Variants in TACC2 observed in about 807,000 individuals in gnomAD.
The protein encoded by TACC2 is transforming acidic coiled-coil containing protein 2.
In TACC2, 137 loss-of-function variants were observed where a neutral mutation model predicts 227.3. The ratio of observed to expected loss-of-function variants is 0.60; its 90% confidence interval spans 0.52 to 0.69. The LOEUF (loss-of-function observed/expected upper bound fraction) is 0.69, where lower values mean the gene tolerates loss of function less well. Among genes scored for constraint, TACC2 ranks in the 30% least tolerant of loss-of-function variants. The pLI, the probability that TACC2 is intolerant of heterozygous loss-of-function variation, is 0.00. For missense variants in TACC2, 3,470 were observed against 3,694.4 expected (o/e 0.94, Z 1.57); for synonymous variants, 1,523 against 1,487.5 (o/e 1.02, Z -0.55).
intron 8 of TACC2, among the ~76,000 whole-genome samples, chr10:122,198,137 C>G (rs2094639778): frequency 6.6e-6 from 1 of 152,220 alleles, no homozygotes; most frequent in Admixed American, 6.5e-5. Context: ...CTCACTTGCC[C>G]TACATTGGGT....
At position 122,179,813 on chromosome 10, in the gene TACC2, C is replaced by T. The variant is rs180973841; in HGVS notation, c.5835-15227C>T. ...TTTAAAAAATTAGCAGACGTGGTGG[C>T]TTACACCTGTAGTCCCAGTTATTTG... On this transcript the variant is annotated intron_variant, in intron 7 of 22. Transcript: ENST00000369005. 7.2e-5 allele frequency among the ~76,000 whole-genome samples: 11 copies of T among 152,266 alleles called. No homozygotes were observed. The East Asian group carries it at 2.1e-3, about 29-fold the overall frequency.
chr10:122,230,984 A>G (rs1304380964), intron 16 of TACC2, among the ~76,000 whole-genome samples: 1 of 152,236 alleles, frequency 6.6e-6, no homozygotes. Context: ...GTAAAGTGCA[A>G]ATGATAAGTA....
intron 1 of TACC2, among the ~76,000 whole-genome samples, chr10:122,020,859 C>T (rs1307755884): frequency 3.3e-5 from 5 of 152,134 alleles, no homozygotes; most frequent in Non-Finnish European, 5.9e-5. Context: ...GTTACAGCGT[C>T]TTATGGAATT....
At chr10:122,154,798 G>A (rs1309107607) in intron 7 of TACC2, among the ~76,000 whole-genome samples, 3 of 152,178 alleles carry the variant, frequency 2.0e-5, no homozygotes, top group Admixed American at 6.5e-5. Flanking sequence ...ATGCAGGCGC[G>A]CACCCACCCA....
At position 122,085,318 on chromosome 10, in the gene TACC2, A is replaced by G. The variant is rs2079976104; in HGVS notation, c.2818A>G (p.Lys940Glu). 1 of 1,613,896 alleles carries G rather than the reference A, an allele frequency of 6.2e-7. No homozygotes were observed. The highest frequency in any genetic ancestry group is 1.1e-5 in the South Asian group (1 of 91,070). Residue 940 changes from lysine to glutamate, a missense_variant, in exon 4 of 23, where the codon AAG (lysine) becomes GAG (glutamate). Physicochemically the swap from Lys to Glu is moderately conservative, Grantham distance 56. Around this residue, in one of 10 missense-constraint regions of TACC2, gnomAD observed 1,924 missense variants for 1,978.3 expected, o/e 0.97. Transcript: ENST00000369005. ...AGAATTGTCAGCACCAACGAGACAG[A>G]AGTTGCCTGCACTAGGGGAGAAGCG... ...ESELSAPTRQ[K>E]LPALGEKRPE...
chr10:122,132,268 A>G (rs2088429901), intron 5 of TACC2, among the ~76,000 whole-genome samples: 1 of 152,164 alleles, frequency 6.6e-6, no homozygotes, highest in Admixed American at 6.5e-5. Context: ...GTAGGAGGCC[A>G]GGCACGGCGG....
intron 7 of TACC2, among the ~76,000 whole-genome samples, chr10:122,159,613 G>A (rs2092699585): frequency 6.6e-6 from 1 of 152,166 alleles, no homozygotes; most frequent in Non-Finnish European, 1.5e-5. Context: ...CTCAGAGACA[G>A]CCCAGAGCTG....
Position 122,211,528 on chromosome 10 carries a change from A to T in TACC2, c.7103A>T (p.Asn2368Ile). The change falls in exon 9 of 23, where the codon AAC becomes ATC. Residue 2368 changes from asparagine (N) to isoleucine (I), a missense_variant. Physicochemically the swap from Asn to Ile is moderately radical, Grantham distance 149 (BLOSUM62 -3). Transcript: ENST00000369005. ...CCCAAACTGCCCCAACAATCATACA[A>T]CTTTGACCCAGACACCTGTGATGAG... The part of the protein sequence containing the change: ...ESPKLPQQSY[N>I]FDPDTCDESV... 1 of 1,613,814 alleles carries T rather than the reference A, an allele frequency of 6.2e-7. No individual in the cohort carries two copies. Among genetic ancestry groups the T allele is most frequent in the South Asian group, 1.1e-5 (1 of 90,998 alleles).
At chr10:122,232,687 G>A (rs977805019) in intron 16 of TACC2, among the ~76,000 whole-genome samples, 13 of 152,188 alleles carry the variant, frequency 8.5e-5, no homozygotes, top group Admixed American at 4.6e-4. Flanking sequence ...GTGGAAAATA[G>A]ATGGTGTTCC....
In TACC2 at chr10:122,143,564, G is replaced by C. The variant is rs756092358; in HGVS notation, c.5700-8G>C. 6.2e-7 allele frequency: 1 copy of C among 1,613,536 alleles called. No individual in the cohort carries two copies. The highest frequency in any genetic ancestry group is 1.1e-5 in the South Asian group (1 of 90,986). On this transcript the variant is annotated splice_polypyrimidine_tract_variant and splice_region_variant and intron_variant, in intron 6 of 22. Coordinates refer to ENST00000369005, the MANE Select transcript of TACC2 (RefSeq NM_206862.4). ...CCATGTGGAATAATTCCCTCATTGT[G>C]TCCCCAGCATCTCCCCAGCTGCTGC...
intron 18 of TACC2, among the ~76,000 whole-genome samples, chr10:122,241,034 T>C (rs947382408): frequency 6.6e-6 from 1 of 152,096 alleles, no homozygotes; most frequent in African/African-American, 2.4e-5. Context: ...CAAGGAGAAA[T>C]CAAGGAAGGC....
At chr10:122,073,126 A>AATAT (rs1167084872) in intron 3 of TACC2, among the ~76,000 whole-genome samples, 114 of 70,992 alleles carry the variant, frequency 1.6e-3, no homozygotes, top group African/African-American at 2.6e-3. Flanking sequence ...AAAAAAAAAA[A>AATAT]ATATATATAT....
intron 7 of TACC2, among the ~76,000 whole-genome samples, chr10:122,157,949 T>A (rs1261458528): frequency 2.0e-5 from 3 of 152,058 alleles, no homozygotes; most frequent in African/African-American, 7.2e-5. Context: ...TTTTCATATG[T>A]GATGAGAATT....
intron 7 of TACC2, among the ~76,000 whole-genome samples, chr10:122,166,867 C>T (rs769800611): frequency 3.9e-5 from 6 of 152,194 alleles, no homozygotes; most frequent in Admixed American, 2.6e-4. Flanking sequence ...AATTCTCCCA[C>T]AGAAAACACT....
intron 5 of TACC2, among the ~76,000 whole-genome samples, chr10:122,116,828 C>T (rs1286870463): frequency 6.6e-6 from 1 of 152,126 alleles, no homozygotes; most frequent in East Asian, 1.9e-4. Context: ...TGTATTGACT[C>T]TGCCGTCCAT....
intron 8 of TACC2, among the ~76,000 whole-genome samples, chr10:122,203,782 T>G (rs866240317): frequency 7.2e-5 from 11 of 152,092 alleles, no homozygotes; most frequent in South Asian, 2.1e-4. Flanking sequence ...CTGCAATCTC[T>G]GCACTTTGGG....
chr10:122,186,626 C>T (rs775388430), intron 7 of TACC2, among the ~76,000 whole-genome samples: 2 of 152,122 alleles, frequency 1.3e-5, no homozygotes, highest in African/African-American at 2.4e-5. Flanking sequence ...AATTCTCCTG[C>T]CTCAGCCTCC....
At chr10:122,176,117 C>CTCTCTCTATATATATATATA (rs1447382017) in intron 7 of TACC2, among the ~76,000 whole-genome samples, 1 of 54,644 alleles carries the variant, frequency 1.8e-5, no homozygotes, top group Non-Finnish European at 3.5e-5. Flanking sequence ...CTCTCTCTCT[C>CTCTCTCTATATATATATATA]TATATATATA....
chr10:122,205,449 C>T lies in TACC2; in HGVS notation c.5972-4948C>T, dbSNP rs747536792. Among the ~76,000 whole-genome samples, 14 of 152,216 alleles carry T rather than the reference C, an allele frequency of 9.2e-5. No individual in the cohort carries two copies. The highest frequency in any genetic ancestry group is 2.1e-4 in the South Asian group (1 of 4,828). The stretch of plus-strand genomic sequence containing the variant: ...GTACTTCTGCAGCACTGATGCCTCA[C>T]GCCTCTGGGGTAAAAACCCCACAGG... On this transcript the variant is annotated intron_variant, in intron 8 of 22. Coordinates refer to ENST00000369005, the MANE Select transcript of TACC2 (RefSeq NM_206862.4). This position sits in a 1 kb window ranked among gnomAD's most constrained non-coding sequence, Gnocchi z 4.5.
Sources: gnomAD v4.1 joint callset for allele counts (sites outside exome capture counted in the v4.1 genomes callset) on GRCh38, gnomAD v4.1.1 for gene constraint, gnomAD v4.1.1 regional missense constraint, Gnocchi (gnomAD v3.1) non-coding constraint, MANE v1.5 for transcripts, NCBI Gene and HGNC (gene_info 2026-07-23, HGNC 2026-07-21) for gene names.